Variants in TMEM108 observed in about 807,000 individuals in gnomAD.
The protein encoded by TMEM108 is transmembrane protein 108.
Under a neutral mutation model 35.1 loss-of-function variants are expected in TMEM108, and 12 were observed. The ratio of observed to expected loss-of-function variants is 0.34; its 90% CI spans 0.22 to 0.55. TMEM108 has a LOEUF of 0.55. Ranked by LOEUF, TMEM108 falls within the 20% of genes least tolerant of loss-of-function variation. The pLI, the probability that TMEM108 is intolerant of heterozygous loss-of-function variation, is 0.89. For synonymous variants in TMEM108, 287 were observed against 308.6 expected, an observed-to-expected ratio of 0.93 and a Z score of 0.73; for missense variants, 680 against 753.3, an observed-to-expected ratio of 0.90 and a Z score of 1.14.
chr3:133,369,653 AT>A (rs2072600358), intron 3 of TMEM108, among the ~76,000 whole-genome samples: 1 of 152,200 alleles, frequency 6.6e-6, no homozygotes, highest in Admixed American at 6.5e-5. Context: ...AAGTCTTAGA[AT>A]TTTCCCTCCT....
intron 5 of TMEM108, among the ~76,000 whole-genome samples, chr3:133,390,798 T>C (rs2073224315): frequency 6.6e-6 from 1 of 152,122 alleles, no homozygotes; most frequent in African/African-American, 2.4e-5. Context: ...GAGGAAAGCC[T>C]TCCCAGTGCA....
intron 3 of TMEM108, among the ~76,000 whole-genome samples, chr3:133,279,475 C>T (rs916893823): frequency 2.6e-5 from 4 of 152,212 alleles, no homozygotes; most frequent in Admixed American, 6.5e-5. Context: ...AATGACCCTG[C>T]TCACCCTTGG....
intron 3 of TMEM108, among the ~76,000 whole-genome samples, chr3:133,343,514 A>C (rs1240640453): frequency 4.6e-5 from 7 of 151,976 alleles, no homozygotes; most frequent in Non-Finnish European, 7.4e-5. Flanking sequence ...ACTGTGGTAC[A>C]ATCATGCAGT....
intron 3 of TMEM108, among the ~76,000 whole-genome samples, chr3:133,253,624 T>C (rs548323799): frequency 6.6e-6 from 1 of 152,358 alleles, no homozygotes; most frequent in East Asian, 1.9e-4. Flanking sequence ...TATCAAATTC[T>C]TTAACTCTTT....
Position 133,396,164 on chromosome 3 carries a change from A to G in TMEM108, c.*178A>G. 1 of 238,118 alleles carries G rather than the reference A, an allele frequency of 4.2e-6. No homozygotes were observed. The highest frequency in any genetic ancestry group is 7.2e-6 in the Non-Finnish European group (1 of 138,114). 14.8% of individuals were successfully genotyped at this position (238,118 alleles called of 1,614,324 possible). ...CAAGTGTGGTTTAAAAAAAAAAAAA[A>G]CTTTACAGAATGATCTGTGGCTTTA... On this transcript the variant is annotated 3_prime_UTR_variant, in exon 6 of 6. Coordinates refer to ENST00000321871, the MANE Select transcript of TMEM108 (RefSeq NM_023943.4).
intron 2 of TMEM108, among the ~76,000 whole-genome samples, chr3:133,131,871 T>C (rs1042808141): frequency 6.6e-6 from 1 of 152,084 alleles, no homozygotes; most frequent in Non-Finnish European, 1.5e-5. Context: ...GGAGAAAGTT[T>C]TAGTGATTCA....
At chr3:133,185,784 C>CTTTTTTTTTTTTTTCTTTTT (rs1945410943) in intron 2 of TMEM108, among the ~76,000 whole-genome samples, 1 of 127,094 alleles carries the variant, frequency 7.9e-6, no homozygotes. Flanking sequence ...CTTTTCTTTT[C>CTTTTTTTTTTTTTTCTTTTT]TTTTTTTTTT....
intron 3 of TMEM108, among the ~76,000 whole-genome samples, chr3:133,353,130 TCGTGAAA>T (rs1363482622): frequency 2.6e-5 from 4 of 152,174 alleles, no homozygotes; most frequent in Non-Finnish European, 5.9e-5. Flanking sequence ...TTGAAATGTC[TCGTGAAA>T]CAAAGAAGCC....
chr3:133,266,435 G>A (rs57463795), intron 3 of TMEM108, among the ~76,000 whole-genome samples: 2,171 of 152,240 alleles, frequency 0.014, 62 homozygotes, highest in African/African-American at 0.05. Flanking sequence ...TAGGTTTTTG[G>A]CAACTGTGAC....
At chr3:133,098,319 G>T (rs912972813) in intron 2 of TMEM108, among the ~76,000 whole-genome samples, 1 of 152,060 alleles carries the variant, frequency 6.6e-6, no homozygotes, top group African/African-American at 2.4e-5. Context: ...AAGAAAGTCC[G>T]GCCCCCTTGA....
intron 2 of TMEM108, among the ~76,000 whole-genome samples, chr3:133,106,967 A>G (rs1944160603): frequency 2.0e-5 from 3 of 152,240 alleles, no homozygotes; most frequent in East Asian, 3.8e-4. Context: ...TTTCACAGTA[A>G]TAGATAGCTA....
chr3:133,299,491 G>C (rs1369978650), intron 3 of TMEM108, among the ~76,000 whole-genome samples: 1 of 152,134 alleles, frequency 6.6e-6, no homozygotes, highest in Non-Finnish European at 1.5e-5. Flanking sequence ...GGCAAGCATA[G>C]GTTTTCCCTT....
At chr3:133,154,743 G>A (rs1278013659) in intron 2 of TMEM108, among the ~76,000 whole-genome samples, 1 of 152,076 alleles carries the variant, frequency 6.6e-6, no homozygotes, top group Non-Finnish European at 1.5e-5. Flanking sequence ...GATAGTATTA[G>A]GAGATATACC....
At chr3:133,074,749 A>G (rs1464992249) in intron 2 of TMEM108, among the ~76,000 whole-genome samples, 5 of 152,230 alleles carry the variant, frequency 3.3e-5, no homozygotes, top group Non-Finnish European at 7.3e-5. Context: ...TTGGCCTCCC[A>G]AAGTGCTGGG....
At position 133,187,252 on chromosome 3, in the gene TMEM108, G is replaced by A. The variant is rs968628644; in HGVS notation, c.-46-42014G>A. On this transcript the variant is annotated intron_variant, in intron 2 of 5. Coordinates refer to ENST00000321871, the MANE Select transcript of TMEM108 (RefSeq NM_023943.4). ...AAACTAGAAGGAGAGATTTTTAAAA[G>A]ATTAAAATCTTTTTGACAAAATATT... 1.3e-4 allele frequency among the ~76,000 whole-genome samples: 20 copies of A among 152,240 alleles called. No individual in the cohort carries two copies. In the South Asian group the frequency reaches 1.5e-3, roughly 11 times the overall value.
At chr3:133,357,998 T>C (rs1291672765) in intron 3 of TMEM108, among the ~76,000 whole-genome samples, 1 of 152,162 alleles carries the variant, frequency 6.6e-6, no homozygotes, top group Non-Finnish European at 1.5e-5. Context: ...CAGATAACTA[T>C]TGTACCTGTT....
intron 2 of TMEM108, among the ~76,000 whole-genome samples, chr3:133,076,646 C>G (rs1943746008): frequency 1.3e-5 from 2 of 152,178 alleles, no homozygotes; most frequent in South Asian, 4.1e-4. Flanking sequence ...TCAGATTTTT[C>G]TAGTGTAAAT....
rs375019076 is a variant in TMEM108, at chr3:133,203,646, G to A, written c.-46-25620G>A. ...AGCCTTGCATCCCCGGGATGAAGCC[G>A]ACTTGATCATGGTGGATAAGCTATT... On this transcript the variant is annotated intron_variant, in intron 2 of 5. Coordinates refer to ENST00000321871, the MANE Select transcript of TMEM108 (RefSeq NM_023943.4). Among the ~76,000 whole-genome samples the A allele has an allele frequency of 3.0e-4, 46 of 152,214 alleles. No individual in the cohort carries two copies. In the East Asian group the frequency reaches 7.1e-3, roughly 24 times the overall value.
chr3:133,211,189 C>T (rs1945829740), intron 2 of TMEM108, among the ~76,000 whole-genome samples: 1 of 152,086 alleles, frequency 6.6e-6, no homozygotes, highest in African/African-American at 2.4e-5. Context: ...AAGCATGCCT[C>T]TTGGGTTTAA....
Sources: allele counts gnomAD v4.1 joint callset (sites outside exome capture counted in the v4.1 genomes callset), GRCh38; gene constraint gnomAD v4.1.1; transcripts MANE v1.5; gene names NCBI Gene and HGNC (gene_info 2026-07-23, HGNC 2026-07-21).